NXPH1: variants seen among roughly 807,000 people sequenced by gnomAD.
NXPH1 encodes neurexophilin 1, also known as neurexophilin-1.
A neutral mutation model predicts 23.7 loss-of-function variants in NXPH1; 5 were observed. The observed-to-expected ratio is 0.21, with a 90% CI of 0.11 to 0.44. The LOEUF (loss-of-function observed/expected upper bound fraction) is 0.44. NXPH1 is among the 20% of genes least tolerant of loss of function. NXPH1 has a pLI of 0.99. For missense variants in NXPH1, 324 were observed against 321.6 expected (o/e 1.01, Z -0.06); for synonymous variants, 144 against 122.2 (o/e 1.18, Z -1.18).
At chr7:8,441,058 G>A (rs994781972) in intron 2 of NXPH1, among the ~76,000 whole-genome samples, 1 of 152,170 alleles carries the variant, frequency 6.6e-6, no homozygotes, top group Admixed American at 6.5e-5. Flanking sequence ...AATAAAAAGT[G>A]TCTAGCTTTG....
chr7:8,669,542 G>A (rs1467097059), intron 2 of NXPH1, among the ~76,000 whole-genome samples: 1 of 152,160 alleles, frequency 6.6e-6, no homozygotes, highest in Non-Finnish European at 1.5e-5. Flanking sequence ...AATTCTGGGA[G>A]CATGTGGGCT....
At chr7:8,457,943 C>T (rs1200977959) in intron 2 of NXPH1, among the ~76,000 whole-genome samples, 1 of 152,180 alleles carries the variant, frequency 6.6e-6, no homozygotes, top group Non-Finnish European at 1.5e-5. Context: ...TTTCTTCCTT[C>T]AAGAGTTAGT....
chr7:8,617,811 T>G (rs1819778302), intron 2 of NXPH1, among the ~76,000 whole-genome samples: 1 of 152,184 alleles, frequency 6.6e-6, no homozygotes, highest in South Asian at 2.1e-4. Flanking sequence ...GGATTGTTTG[T>G]AATTTAAAGG....
At chr7:8,687,700 G>T (rs1821168648) in intron 2 of NXPH1, among the ~76,000 whole-genome samples, 1 of 152,100 alleles carries the variant, frequency 6.6e-6, no homozygotes, top group Admixed American at 6.6e-5. Context: ...ACCTTGATGA[G>T]ATTTTTACGG....
intron 2 of NXPH1, among the ~76,000 whole-genome samples, chr7:8,561,936 C>T (rs11970793): frequency 0.066 from 9,959 of 151,634 alleles, 355 homozygotes; most frequent in Middle Eastern, 0.1. Flanking sequence ...CATGATGTTT[C>T]GATATACATA....
At chr7:8,511,986 G>A (rs1278737063) in intron 2 of NXPH1, among the ~76,000 whole-genome samples, 1 of 152,152 alleles carries the variant, frequency 6.6e-6, no homozygotes, top group Non-Finnish European at 1.5e-5. Flanking sequence ...CTCAGCCAGG[G>A]CAGATGCTAG....
chr7:8,724,119 C>A (rs1454913914), intron 2 of NXPH1, among the ~76,000 whole-genome samples: 1 of 152,198 alleles, frequency 6.6e-6, no homozygotes, highest in African/African-American at 2.4e-5. Context: ...TCAACAACAG[C>A]TGCTCCTTCC....
At chr7:8,672,761 C>T (rs1820891510) in intron 2 of NXPH1, among the ~76,000 whole-genome samples, 1 of 152,158 alleles carries the variant, frequency 6.6e-6, no homozygotes, top group Non-Finnish European at 1.5e-5. Flanking sequence ...GTGGGTCCGT[C>T]CTCCTTTTCC....
chr7:8,560,994 G>A (rs1818434155), intron 2 of NXPH1, among the ~76,000 whole-genome samples: 1 of 151,536 alleles, frequency 6.6e-6, no homozygotes, highest in Non-Finnish European at 1.5e-5. Context: ...AGCCCCTCTG[G>A]ATTGAAATAT....
intron 2 of NXPH1, among the ~76,000 whole-genome samples, chr7:8,494,739 T>A (rs1393567207): frequency 1.3e-5 from 2 of 152,106 alleles, no homozygotes; most frequent in Non-Finnish European, 2.9e-5. Context: ...CTGCATTAAT[T>A]GTTCTTATTC....
At chr7:8,448,514 G>A (rs541258591) in intron 2 of NXPH1, among the ~76,000 whole-genome samples, 49 of 152,224 alleles carry the variant, frequency 3.2e-4, no homozygotes, top group African/African-American at 1.2e-3. Context: ...TACGATTACA[G>A]CCAGAAGAAA....
In NXPH1 at chr7:8,472,724, T is replaced by C. The variant is rs570842562; in HGVS notation, c.54+36957T>C. Among the ~76,000 whole-genome samples, 28 of 152,296 alleles carry C rather than the reference T, an allele frequency of 1.8e-4. No homozygotes were observed. The South Asian group carries it at 4.2e-3, about 23-fold the overall frequency. ...AGCTGTTGGTTTCAAATTCTCCTTCTCAGTCTTATAAAGAGTTAAACTAGG... is the reference window on the plus strand; with the variant it reads ...AGCTGTTGGTTTCAAATTCTCCTTCCCAGTCTTATAAAGAGTTAAACTAGG... On this transcript the variant is annotated intron_variant, in intron 2 of 2. Transcript: ENST00000405863.
chr7:8,448,674 G>A (rs562415571), intron 2 of NXPH1, among the ~76,000 whole-genome samples: 6 of 152,248 alleles, frequency 3.9e-5, no homozygotes, highest in Admixed American at 1.3e-4. Context: ...AAAACGAGCC[G>A]GGTGTGGCGG....
chr7:8,493,247 C>T (rs6978236), intron 2 of NXPH1, among the ~76,000 whole-genome samples: 80,883 of 151,866 alleles, frequency 0.53, 21,892 homozygotes, highest in East Asian at 0.77. Flanking sequence ...ATGTCTCCTG[C>T]TAAGGCTCTG....
At chr7:8,450,314 C>A (rs1489728442) in intron 2 of NXPH1, among the ~76,000 whole-genome samples, 2 of 149,682 alleles carry the variant, frequency 1.3e-5, no homozygotes, top group Admixed American at 6.7e-5. Context: ...AAAGGGGATG[C>A]AAATCTACAC....
chr7:8,633,083 A>T (rs1820159040), intron 2 of NXPH1, among the ~76,000 whole-genome samples: 1 of 152,214 alleles, frequency 6.6e-6, no homozygotes. Flanking sequence ...CATGCAACCA[A>T]ACTCACATAA....
intron 2 of NXPH1, among the ~76,000 whole-genome samples, chr7:8,579,547 T>C (rs541575652): frequency 6.6e-6 from 1 of 151,986 alleles, no homozygotes; most frequent in Non-Finnish European, 1.5e-5. Flanking sequence ...TAATTTTGTG[T>C]TTTTAGCAGA....
chr7:8,474,661 A>C (rs888937960), intron 2 of NXPH1, among the ~76,000 whole-genome samples: 8 of 152,186 alleles, frequency 5.3e-5, no homozygotes, highest in Non-Finnish European at 1.0e-4. Flanking sequence ...ATATCTGACA[A>C]AACTTTAATA....
chr7:8,567,433 T>C (rs1320104785), intron 2 of NXPH1, among the ~76,000 whole-genome samples: 2 of 151,938 alleles, frequency 1.3e-5, no homozygotes, highest in East Asian at 1.9e-4. Context: ...CCACAATGAC[T>C]AACCACCTGT....
Sources: gnomAD v4.1 joint callset for allele counts (sites outside exome capture counted in the v4.1 genomes callset) on GRCh38, gnomAD v4.1.1 for gene constraint, MANE v1.5 for transcripts, NCBI Gene and HGNC (gene_info 2026-07-23, HGNC 2026-07-21) for gene names.